ANKS1A: variants seen among roughly 807,000 people sequenced by gnomAD.
The protein encoded by ANKS1A is ankyrin repeat and sterile alpha motif domain containing 1A, also known as ankyrin repeat and SAM domain-containing protein 1A.
A neutral mutation model predicts 120.3 loss-of-function variants in ANKS1A; 55 were observed. The ratio of observed to expected loss-of-function variants is 0.46; its 90% confidence interval spans 0.37 to 0.57. The LOEUF (loss-of-function observed/expected upper bound fraction) is 0.57. ANKS1A is among the 20% of genes least tolerant of loss of function. ANKS1A has a pLI of 0.00. For synonymous variants in ANKS1A, 590 were observed against 604.7 expected, an observed-to-expected ratio of 0.98 and a Z score of 0.36; for missense variants, 1,123 against 1,480.3, an observed-to-expected ratio of 0.76 and a Z score of 3.96.
chr6:34,982,947 G>GTAATCAACCA lies in ANKS1A; in HGVS notation c.808+120_808+121insTAATCAACCA. 1 of 1,313,336 alleles carries GTAATCAACCA rather than the reference G, an allele frequency of 7.6e-7. No homozygotes were observed. Among genetic ancestry groups the GTAATCAACCA allele is most frequent in the Non-Finnish European group, 1.1e-6 (1 of 912,928 alleles). The allele number at this position is 1,313,336 out of a possible 1,614,324, so 81.4% of individuals were successfully genotyped here. A position where few individuals can be genotyped will look rare whatever the true frequency, so the allele number is the denominator to read the frequency against. On this transcript the variant is annotated intron_variant, in intron 5 of 23. Transcript: ENST00000360359. This position sits in a 1 kb window ranked among gnomAD's most constrained non-coding sequence, Gnocchi z 4.9. ...AACTCAATGTATGTGTATCTCCACTGGTTGATTACAAGTGTGTAAACTGTT... is the reference window on the plus strand; with the variant it reads ...AACTCAATGTATGTGTATCTCCACTGTAATCAACCAGTTGATTACAAGTGTGTAAACTGTT...
At chr6:35,054,851 CCTCTCAGAGCAGAT>C (rs1776127823) in intron 12 of ANKS1A, among the ~76,000 whole-genome samples, 1 of 152,210 alleles carries the variant, frequency 6.6e-6, no homozygotes, top group Non-Finnish European at 1.5e-5. Flanking sequence ...CTTAAAGATG[CCTCTCAGAGCAGAT>C]CTCACACCTC....
Position 35,060,293 on chromosome 6 carries a change from CAG to C in ANKS1A, c.2184+41_2184+42del. Reference sequence around the variant, plus strand: ...GCCTCCTCAATGGCAGGGTGCTGCTCAGTGGAAACAGGCCTCCCTGGCCTCCC... The same window carrying C: ...GCCTCCTCAATGGCAGGGTGCTGCTCTGGAAACAGGCCTCCCTGGCCTCCC... On this transcript the variant is annotated intron_variant, in intron 13 of 23. Coordinates refer to ENST00000360359, the MANE Select transcript of ANKS1A (RefSeq NM_015245.3). This position sits in a 1 kb window ranked among gnomAD's most constrained non-coding sequence, Gnocchi z 4.5. 1 of 1,556,504 alleles carries C rather than the reference CAG, an allele frequency of 6.4e-7. No individual in the cohort carries two copies. Among genetic ancestry groups the C allele is most frequent in the Non-Finnish European group, 8.8e-7 (1 of 1,140,248 alleles).
chr6:35,029,736 T>C (rs1774807202), intron 11 of ANKS1A, among the ~76,000 whole-genome samples: 1 of 148,448 alleles, frequency 6.7e-6, no homozygotes, highest in Non-Finnish European at 1.5e-5. Context: ...ATATACATTA[T>C]ATATATTATT....
At chr6:34,893,382 C>T (rs1423103600) in intron 1 of ANKS1A, among the ~76,000 whole-genome samples, 1 of 152,172 alleles carries the variant, frequency 6.6e-6, no homozygotes, top group African/African-American at 2.4e-5. Context: ...AACGATCTTC[C>T]TGCCTCAGCC....
At chr6:35,071,007 C>T (rs763125832) in intron 13 of ANKS1A, 110 of 520,166 alleles carry the variant, frequency 2.1e-4, no homozygotes, top group Admixed American at 2.7e-4. Context: ...CCTGCCCATT[C>T]CCCTAGTTTC....
At chr6:34,999,766 C>T (rs1200963233) in intron 10 of ANKS1A, among the ~76,000 whole-genome samples, 1 of 152,086 alleles carries the variant, frequency 6.6e-6, no homozygotes, top group African/African-American at 2.4e-5. Flanking sequence ...AGACCCCCTT[C>T]CCCGCCACAG....
chr6:34,982,787 G>A lies in ANKS1A; in HGVS notation c.768G>A (p.Leu256=). The A allele has an allele frequency of 6.2e-7, 1 of 1,614,254 alleles. No individual in the cohort carries two copies. Among genetic ancestry groups the A allele is most frequent in the Non-Finnish European group, 8.5e-7 (1 of 1,180,050 alleles). Residue 256 remains leucine, a synonymous_variant, in exon 5 of 24, where the codon TTG becomes TTA. Coordinates refer to ENST00000360359, the MANE Select transcript of ANKS1A (RefSeq NM_015245.3). The surrounding 1 kb of genome is among the most constrained non-coding windows in gnomAD (Gnocchi z 4.9). ...GCAGTGCTTTGCATGAGGCTGCTTT[G>A]TTTGGCAAGACCGATGTGGTGCAAA... ...EMGSALHEAA[L]FGKTDVVQIL...
At chr6:34,966,386 G>T (rs925208399) in intron 1 of ANKS1A, among the ~76,000 whole-genome samples, 4 of 151,838 alleles carry the variant, frequency 2.6e-5, no homozygotes, top group East Asian at 3.9e-4. Flanking sequence ...AACACTTTTT[G>T]GGGGAAAAAA....
At chr6:35,091,662 C>G (rs1005411017), downstream of ANKS1A, among the ~76,000 whole-genome samples, 2 of 152,322 alleles carry the variant, frequency 1.3e-5, no homozygotes, top group Non-Finnish European at 2.9e-5. Context: ...GAACACCAAG[C>G]CAGGGCCACA....
chr6:34,993,599 GA>G (rs1304637854), intron 9 of ANKS1A, among the ~76,000 whole-genome samples: 1 of 152,216 alleles, frequency 6.6e-6, no homozygotes, highest in African/African-American at 2.4e-5. Flanking sequence ...CAGTTTTGGG[GA>G]TATCCTTCCC....
At chr6:35,001,968 G>A (rs1404901354) in intron 10 of ANKS1A, among the ~76,000 whole-genome samples, 1 of 152,214 alleles carries the variant, frequency 6.6e-6, no homozygotes, top group East Asian at 1.9e-4. Flanking sequence ...CAACAGCCCT[G>A]TTAGCACAAG....
chr6:35,086,004 C>A lies in ANKS1A; in HGVS notation c.3303+68C>A. 1 of 1,505,208 alleles carries A rather than the reference C, an allele frequency of 6.6e-7. No homozygotes were observed. Among genetic ancestry groups the A allele is most frequent in the South Asian group, 1.3e-5 (1 of 75,600 alleles). 93.2% of individuals were successfully genotyped at this position (1,505,208 alleles called of 1,614,324 possible). The stretch of plus-strand genomic sequence containing the variant: ...CAGGGATTCAAGGGCTCAGGGTGGT[C>A]AGCGTGAGGAGGGTCTTCTGGCACT... On this transcript the variant is annotated intron_variant, in intron 22 of 23. Coordinates refer to ENST00000360359, the MANE Select transcript of ANKS1A (RefSeq NM_015245.3). This position sits in a 1 kb window ranked among gnomAD's most constrained non-coding sequence, Gnocchi z 5.1.
At chr6:34,890,093 A>AT (rs36068725) in intron 1 of ANKS1A, among the ~76,000 whole-genome samples, 30 of 144,902 alleles carry the variant, frequency 2.1e-4, no homozygotes, top group South Asian at 4.4e-4. Context: ...ACCTCGCTTT[A>AT]TTTTTTTTTT....
At position 34,981,867 on chromosome 6, in the gene ANKS1A, C is replaced by T. The variant is rs200179108; in HGVS notation, c.613C>T (p.His205Tyr). ...GGTGGTGAAAATGCTCCTTAATGCA[C>T]ACCCCAACCTCCTGAGCTGCAACAC... ...LEVVKMLLNA[H>Y]PNLLSCNTKK... Residue 205 changes from histidine to tyrosine, a missense_variant, in exon 4 of 24, where the codon CAC (histidine) becomes TAC (tyrosine). By Grantham distance (83) the His-to-Tyr change is moderately conservative. Transcript: ENST00000360359. 1.3e-4 allele frequency: 203 copies of T among 1,613,552 alleles called. 1 individual carries two copies. The highest frequency in any genetic ancestry group is 1.6e-4 in the Non-Finnish European group (186 of 1,179,616).
the ANKS1A span, among the ~76,000 whole-genome samples, chr6:35,097,574 A>C: frequency 1.2e-4 from 18 of 150,778 alleles, no homozygotes; most frequent in African/African-American, 4.4e-4. Context: ...TAATAATATA[A>C]GGTTTCTCTG....
rs553832097 is a variant in ANKS1A at position 35,062,748 on chromosome 6, C to T, written c.2184+2495C>T. Among the ~76,000 whole-genome samples, 163 of 152,216 alleles carry T rather than the reference C, an allele frequency of 1.1e-3. 2 individuals carry two copies. Among genetic ancestry groups the T allele is most frequent in the Non-Finnish European group, 1.9e-3 (130 of 68,036 alleles). On this transcript the variant is annotated intron_variant, in intron 13 of 23. Coordinates refer to ENST00000360359, the MANE Select transcript of ANKS1A (RefSeq NM_015245.3). ...TGTAACGCCATGTGGTCTGATCGCC[C>T]TCTCTGCCCGAATCCCTTCCAAGTA...
At chr6:35,011,106 G>A (rs945664843) in intron 10 of ANKS1A, among the ~76,000 whole-genome samples, 1 of 152,144 alleles carries the variant, frequency 6.6e-6, no homozygotes, top group African/African-American at 2.4e-5. Context: ...TGGTTGTTGT[G>A]AATATTAAAA....
chr6:35,081,382 A>G (rs1235735374), intron 17 of ANKS1A, among the ~76,000 whole-genome samples: 1 of 152,128 alleles, frequency 6.6e-6, no homozygotes, highest in Non-Finnish European at 1.5e-5. Context: ...TTTAGCTGTC[A>G]GCTGCTGGGG....
At position 35,082,384 on chromosome 6, in the gene ANKS1A, G is replaced by T. The variant is rs1427024209; in HGVS notation, c.2710-307G>T. ...CCTGGCAGCCTGTGCCCCCCACACA[G>T]ACTCTGCCATCTCCTCTCTGGTCAT... is the stretch of plus-strand genomic sequence containing the variant. On this transcript the variant is annotated intron_variant, in intron 17 of 23. Coordinates refer to ENST00000360359, the MANE Select transcript of ANKS1A (RefSeq NM_015245.3). The surrounding 1 kb of genome is among the most constrained non-coding windows in gnomAD (Gnocchi z 4.1). 6.6e-6 allele frequency among the ~76,000 whole-genome samples: 1 copy of T among 151,876 alleles called. No individual in the cohort carries two copies. The highest frequency in any genetic ancestry group is 2.4e-5 in the African/African-American group (1 of 41,304).
Sources: gnomAD v4.1 joint callset for allele counts (sites outside exome capture counted in the v4.1 genomes callset) on GRCh38, gnomAD v4.1.1 for gene constraint, Gnocchi (gnomAD v3.1) non-coding constraint, MANE v1.5 for transcripts, NCBI Gene and HGNC (gene_info 2026-07-23, HGNC 2026-07-21) for gene names.